The following NOL11 variants were observed in gnomAD, a reference collection of about 807,000 sequenced individuals.
NOL11 encodes the protein nucleolar protein 11.
Under a neutral mutation model 93.0 loss-of-function variants are expected in NOL11, and 42 were observed. That is an observed-to-expected ratio of 0.45 (90% CI 0.35 to 0.58). NOL11 has a LOEUF of 0.58. NOL11 is among the 20% of genes least tolerant of loss of function. The pLI, the probability that NOL11 is intolerant of heterozygous loss-of-function variation, is 0.00. For synonymous variants in NOL11, 296 were observed against 293.7 expected, an observed-to-expected ratio of 1.01 and a Z score of -0.08; for missense variants, 775 against 841.8, an observed-to-expected ratio of 0.92 and a Z score of 0.98.
In NOL11 at chr17:67,726,509, C is replaced by G. The variant is rs1238594921; in HGVS notation, c.714C>G (p.Asp238Glu). 6.2e-7 allele frequency: 1 copy of G among 1,613,904 alleles called. No homozygotes were observed. Among genetic ancestry groups the G allele is most frequent in the Non-Finnish European group, 8.5e-7 (1 of 1,179,966 alleles). Residue 238 changes from aspartate (D) to glutamate (E), a missense_variant, in exon 7 of 18, where the codon GAC becomes GAG. Coordinates refer to ENST00000253247, the MANE Select transcript of NOL11 (RefSeq NM_015462.5). ...YETLIPIRPA[D>E]PEKNQSLVKS... The stretch of plus-strand genomic sequence containing the variant: ...CCTTGATACCAATACGTCCAGCTGA[C>G]CCAGAAAAAAATCAGAGCTTAGTTA...
rs2055064107 is a variant in NOL11, at chr17:67,724,135, T to C, written c.606T>C (p.Ser202=). 3 of 1,595,146 alleles carry C rather than the reference T, an allele frequency of 1.9e-6. No homozygotes were observed. Among genetic ancestry groups the C allele is most frequent in the Non-Finnish European group, 2.6e-6 (3 of 1,170,738 alleles). Residue 202 remains serine, a synonymous_variant, in exon 6 of 18, where the codon TCT becomes TCC. Coordinates refer to ENST00000253247, the MANE Select transcript of NOL11 (RefSeq NM_015462.5). ...YTLLLGQDEN[S]VIKSFTASVD... is the part of the protein sequence containing the mutation. ...TCTTACTTGGACAAGACGAAAACTC[T>C]GTTATAAAGAGTTTTACTGCATCTG...
intron 16 of NOL11, among the ~76,000 whole-genome samples, chr17:67,742,338 T>C (rs909635315): frequency 1.3e-5 from 2 of 152,238 alleles, no homozygotes; most frequent in African/African-American, 4.8e-5. Flanking sequence ...ATATTTGTTT[T>C]TGTGAATCTG....
chr17:67,737,061 T>C lies in NOL11; in HGVS notation c.1144-10T>C. On this transcript the variant is annotated splice_polypyrimidine_tract_variant and intron_variant, in intron 10 of 17. Coordinates refer to ENST00000253247, the MANE Select transcript of NOL11 (RefSeq NM_015462.5). Reference sequence around the variant, plus strand: ...TGTTTTGTGATCCTAATCAATTTACTTAATTCCAGTTAAGGAGACGAAAAA... The same window carrying C: ...TGTTTTGTGATCCTAATCAATTTACCTAATTCCAGTTAAGGAGACGAAAAA... The C allele has an allele frequency of 6.4e-7, 1 of 1,571,548 alleles. No homozygotes were observed. The highest frequency in any genetic ancestry group is 8.8e-7 in the Non-Finnish European group (1 of 1,141,818).
intron 14 of NOL11, 103 bp downstream of exon 14, chr17:67,738,458 C>A: frequency 1.4e-6 from 1 of 718,282 alleles, no homozygotes; most frequent in Non-Finnish European, 2.3e-6. Flanking sequence ...TTTTTCTTTC[C>A]TTTTCCAATT....
At chr17:67,743,708 T>C in intron 17 of NOL11, 35 bp from the exon 18 acceptor site, 2 of 1,287,786 alleles carry the variant, frequency 1.6e-6, no homozygotes, top group Non-Finnish European at 2.2e-6. Flanking sequence ...ATGTAGACAT[T>C]ATGGTAAAAG....
At chr17:67,729,520 C>A (rs1339817635) in intron 7 of NOL11, among the ~76,000 whole-genome samples, 1 of 152,124 alleles carries the variant, frequency 6.6e-6, no homozygotes, top group Admixed American at 6.6e-5. Context: ...TGGCAACCAC[C>A]AATTTGCATT....
chr17:67,738,755 C>A, intron 14 of NOL11, 177 bp from the exon 15 acceptor site: 1 of 549,752 alleles, frequency 1.8e-6, no homozygotes, highest in Non-Finnish European at 3.2e-6. Flanking sequence ...GAATAAATAC[C>A]AATTAAAGTA....
intron 7 of NOL11, 173 bp downstream of exon 7, chr17:67,726,821 T>C (rs1480455547): frequency 2.0e-6 from 1 of 494,332 alleles, no homozygotes; most frequent in Non-Finnish European, 3.5e-6. Flanking sequence ...TTTTTATTTT[T>C]ATTTTGCATT....
At chr17:67,733,731 C>T (rs578147986) in intron 7 of NOL11, among the ~76,000 whole-genome samples, 2 of 152,190 alleles carry the variant, frequency 1.3e-5, no homozygotes, top group African/African-American at 4.8e-5. Flanking sequence ...GGAGTTTGCA[C>T]AATGCTTTGT....
chr17:67,734,672 GGT>G (rs1273245110), intron 8 of NOL11, among the ~76,000 whole-genome samples: 2 of 152,118 alleles, frequency 1.3e-5, no homozygotes, highest in African/African-American at 4.8e-5. Flanking sequence ...CAGGTGTGGT[GGT>G]ATGTGTCTGT....
chr17:67,720,679 A>T (rs971632039), intron 3 of NOL11, among the ~76,000 whole-genome samples: 2 of 152,234 alleles, frequency 1.3e-5, no homozygotes, highest in Non-Finnish European at 1.5e-5. Flanking sequence ...TGCATGTTCT[A>T]CTGATGACCT....
intron 12 of NOL11, 30 bp from the exon 13 acceptor site, chr17:67,737,814 TATG>T: frequency 1.3e-6 from 2 of 1,590,644 alleles, no homozygotes; most frequent in Non-Finnish European, 1.7e-6. Context: ...ATTTTCTTAA[TATG>T]TAATAGTGAT....
chr17:67,724,223 A>T, intron 6 of NOL11, 30 bp downstream of exon 6: 1 of 1,369,558 alleles, frequency 7.3e-7, no homozygotes, highest in Non-Finnish European at 1.0e-6. Flanking sequence ...ACTTTCAGAG[A>T]TTATAAATAG....
At chr17:67,737,018 G>C (rs975937854) in intron 10 of NOL11, 53 bp from the exon 11 acceptor site, 2 of 1,156,668 alleles carry the variant, frequency 1.7e-6, no homozygotes, top group Non-Finnish European at 2.6e-6. Context: ...CTCTAAATGT[G>C]TATTGGATCT....
chr17:67,727,180 C>T (rs2143100754), intron 7 of NOL11, among the ~76,000 whole-genome samples: 1 of 152,360 alleles, frequency 6.6e-6, no homozygotes, highest in Middle Eastern at 3.4e-3. Context: ...CAGACCCCAG[C>T]CTTCACTAGA....
intron 14 of NOL11, chr17:67,738,675 AT>A: frequency 1.8e-5 from 8 of 450,982 alleles, no homozygotes; most frequent in Middle Eastern, 5.9e-4. Flanking sequence ...TCTACATCAG[AT>A]TTAAAAAAAA....
chr17:67,740,657 A>G (rs1043119952), intron 16 of NOL11: 11 of 154,522 alleles, frequency 7.1e-5, no homozygotes, highest in Middle Eastern at 5.2e-4. Context: ...ACATTTAAAA[A>G]TAATGTATTT....
At chr17:67,743,312 G>T (rs1473449) in intron 16 of NOL11, 167 bp from the exon 17 acceptor site, 2 of 437,662 alleles carry the variant, frequency 4.6e-6, no homozygotes, top group Non-Finnish European at 4.0e-6. Flanking sequence ...AGCCAGAAAT[G>T]AGCCTTTTTA....
At chr17:67,727,214 A>G (rs188404094) in intron 7 of NOL11, among the ~76,000 whole-genome samples, 135 of 152,338 alleles carry the variant, frequency 8.9e-4, no homozygotes, top group African/African-American at 3.1e-3. Context: ...GTCGTTTAGC[A>G]TAAGTCCCTT....
Sources: gnomAD v4.1 joint callset for allele counts (sites outside exome capture counted in the v4.1 genomes callset) on GRCh38, gnomAD v4.1.1 for gene constraint, MANE v1.5 for transcripts, NCBI Gene and HGNC (gene_info 2026-07-23, HGNC 2026-07-21) for gene names.